Variants in CDH13 observed in about 807,000 individuals in gnomAD.
CDH13 encodes cadherin-13.
CDH13 carries 24 observed loss-of-function variants against 63.8 expected under a neutral mutation model. The ratio of observed to expected loss-of-function variants is 0.38; its 90% CI spans 0.27 to 0.53. The LOEUF is 0.53. Ranked by LOEUF, CDH13 falls within the 20% of genes least tolerant of loss-of-function variation. The probability of loss-of-function intolerance (pLI) is 0.85; values close to 1 mark genes in which losing one functional copy is unlikely to be tolerated. For synonymous variants in CDH13, 503 were observed against 355.3 expected (o/e 1.42, Z -4.67); for missense variants, 1,049 against 903.1 (o/e 1.16, Z -2.07).
chr16:82,817,896 C>G (rs1179020117), intron 1 of CDH13, among the ~76,000 whole-genome samples: 3 of 152,172 alleles, frequency 2.0e-5, no homozygotes, highest in Admixed American at 6.6e-5. Context: ...TGTTTACATA[C>G]AAATGCATGC....
intron 12 of CDH13, 48 bp from the exon 13 acceptor site, chr16:83,783,206 T>A: frequency 1.5e-6 from 2 of 1,317,792 alleles, no homozygotes; most frequent in Non-Finnish European, 2.2e-6. Flanking sequence ...ACTCTTTTAT[T>A]GGAAAAAGTC....
chr16:82,807,897 G>C (rs537421399), intron 1 of CDH13, among the ~76,000 whole-genome samples: 1 of 152,108 alleles, frequency 6.6e-6, no homozygotes, highest in Non-Finnish European at 1.5e-5. Context: ...GAATATCTTG[G>C]GTAATTTTCA....
chr16:83,420,930 A>G (rs2071696220), intron 6 of CDH13, among the ~76,000 whole-genome samples: 1 of 152,178 alleles, frequency 6.6e-6, no homozygotes, highest in Non-Finnish European at 1.5e-5. Flanking sequence ...AAGAAGTAAG[A>G]CGGAAGACCC....
At chr16:83,173,979 A>G (rs9929841) in intron 4 of CDH13, among the ~76,000 whole-genome samples, 2,477 of 152,206 alleles carry the variant, frequency 0.016, 82 homozygotes, top group African/African-American at 0.056. Context: ...ACCAGCATGT[A>G]GAGATATGAC....
chr16:83,429,845 T>C (rs904623935), intron 6 of CDH13, among the ~76,000 whole-genome samples: 1 of 152,224 alleles, frequency 6.6e-6, no homozygotes, highest in African/African-American at 2.4e-5. Flanking sequence ...TCCATTATTG[T>C]GTACACAAGC....
rs140464044 is a variant in CDH13 at position 83,382,261 on chromosome 16, C to A, written c.781+37255C>A. ...TAATGAAGACAAAAATGAACATTGA[C>A]CAATACTAGCATCATCTGCATCTCC... On this transcript the variant is annotated intron_variant, in intron 6 of 13. Transcript: ENST00000567109. Among the ~76,000 whole-genome samples, 148 of 152,268 alleles carry A rather than the reference C, an allele frequency of 9.7e-4. No homozygotes were observed. The East Asian group carries it at 0.015, about 15-fold the overall frequency.
At chr16:83,413,286 C>G (rs559695267) in intron 6 of CDH13, among the ~76,000 whole-genome samples, 1 of 152,296 alleles carries the variant, frequency 6.6e-6, no homozygotes, top group African/African-American at 2.4e-5. Flanking sequence ...AGCTTCAAAT[C>G]TCACAATCAA....
chr16:83,300,961 AAATGT>A (rs1036676037), intron 5 of CDH13, among the ~76,000 whole-genome samples: 2 of 151,366 alleles, frequency 1.3e-5, no homozygotes, highest in African/African-American at 2.4e-5. Context: ...TGTGTCCTGA[AAATGT>A]TAAACTGTGG....
In CDH13 at chr16:83,161,519, T is replaced by C. The variant is rs73604287; in HGVS notation, c.483+36018T>C. ...TATTATATTTTCAGATAGAAACAGA[T>C]AAAGTTCAAGCAGTGCAAATACTAA... On this transcript the variant is annotated intron_variant, in intron 4 of 13. Transcript: ENST00000567109. Among the ~76,000 whole-genome samples the C allele has an allele frequency of 7.1e-3, 1,087 of 152,252 alleles. 13 individuals are homozygous for C. Among genetic ancestry groups the C allele is most frequent in the African/African-American group, 0.025 (1,046 of 41,540 alleles).
rs1905556186 is a variant in CDH13 at position 83,251,697 on chromosome 16, C to T, written c.636+34200C>T. Among the ~76,000 whole-genome samples, 3 of 152,212 alleles carry T rather than the reference C, an allele frequency of 2.0e-5. No individual in the cohort carries two copies. In the South Asian group the frequency reaches 6.2e-4, roughly 32 times the overall value. On this transcript the variant is annotated intron_variant, in intron 5 of 13. Coordinates refer to ENST00000567109, the MANE Select transcript of CDH13 (RefSeq NM_001257.5). Reference sequence around the variant, plus strand: ...CTTCGTTGACAAGCCAAGCCTCTGACATCTGAATAGCTACGCTGAGAAAGG... The same window carrying T: ...CTTCGTTGACAAGCCAAGCCTCTGATATCTGAATAGCTACGCTGAGAAAGG...
intron 3 of CDH13, among the ~76,000 whole-genome samples, chr16:83,044,183 G>T (rs1482013006): frequency 6.6e-6 from 1 of 152,108 alleles, no homozygotes; most frequent in Non-Finnish European, 1.5e-5. Flanking sequence ...AAGTAGCTCA[G>T]GCTCAGAAAA....
intron 7 of CDH13, among the ~76,000 whole-genome samples, chr16:83,580,448 TTCTCTCTCTCTCTCTCTCTCTCTC>T (rs55664829): frequency 0.051 from 3,929 of 76,442 alleles, 94 homozygotes; most frequent in African/African-American, 0.056. Context: ...TTCTGTTCAT[TTCTCTCTCTCTCTCTCTCTCTCTC>T]TCTCTCTCTC....
intron 6 of CDH13, among the ~76,000 whole-genome samples, chr16:83,460,872 C>T (rs1489765190): frequency 6.7e-6 from 1 of 149,908 alleles, no homozygotes; most frequent in African/African-American, 2.4e-5. Flanking sequence ...GGCATGGCGG[C>T]CCATGCCTAT....
intron 5 of CDH13, among the ~76,000 whole-genome samples, chr16:83,261,852 C>T (rs531102532): frequency 6.6e-6 from 1 of 152,214 alleles, no homozygotes; most frequent in South Asian, 2.1e-4. Flanking sequence ...TTGTGCCTGC[C>T]TGCCAAGGAA....
chr16:82,973,497 TTG>T (rs1325895742), intron 2 of CDH13, among the ~76,000 whole-genome samples: 6 of 152,216 alleles, frequency 3.9e-5, no homozygotes, highest in Admixed American at 3.9e-4. Flanking sequence ...GAGGCAGGCA[TTG>T]TGCTGCTCTT....
intron 5 of CDH13, among the ~76,000 whole-genome samples, chr16:83,306,401 T>C (rs887365971): frequency 2.0e-5 from 3 of 152,118 alleles, no homozygotes; most frequent in Non-Finnish European, 4.4e-5. Context: ...GAGTTCTTGC[T>C]TTTGAGAGCC....
At chr16:83,399,947 A>T (rs781257988) in intron 6 of CDH13, among the ~76,000 whole-genome samples, 9 of 152,202 alleles carry the variant, frequency 5.9e-5, no homozygotes, top group Non-Finnish European at 1.0e-4. Flanking sequence ...TTATAAGAAC[A>T]AACACCAAAA....
intron 4 of CDH13, among the ~76,000 whole-genome samples, chr16:83,205,541 A>C (rs984418005): frequency 1.3e-5 from 2 of 152,018 alleles, no homozygotes; most frequent in African/African-American, 4.8e-5. Context: ...AGTATTTTGA[A>C]TGCAAGAAAA....
chr16:82,955,625 C>G (rs1303949393), intron 2 of CDH13, among the ~76,000 whole-genome samples: 1 of 152,172 alleles, frequency 6.6e-6, no homozygotes, highest in East Asian at 1.9e-4. Flanking sequence ...GTGAATCAGT[C>G]ACTGTGTTAG....
Sources: gnomAD v4.1 joint callset for allele counts (sites outside exome capture counted in the v4.1 genomes callset) on GRCh38, gnomAD v4.1.1 for gene constraint, MANE v1.5 for transcripts, NCBI Gene and HGNC (gene_info 2026-07-23, HGNC 2026-07-21) for gene names.